The following SUPT3H variants were observed in gnomAD, a reference collection of about 807,000 sequenced individuals.
SUPT3H encodes the protein SPT3 homolog, SAGA and STAGA complex component.
Under a neutral mutation model 44.3 loss-of-function variants are expected in SUPT3H, and 44 were observed. The observed-to-expected ratio is 0.99, with a 90% CI of 0.78 to 1.28. SUPT3H has a LOEUF of 1.28. SUPT3H is among the 50% of genes most tolerant of loss of function. The pLI is 0.00. For missense variants in SUPT3H, 380 were observed against 387.1 expected (o/e 0.98, Z 0.15); for synonymous variants, 124 against 125.6 (o/e 0.99, Z 0.09).
At chr6:45,345,524 C>T (rs1032219628) in intron 2 of SUPT3H, among the ~76,000 whole-genome samples, 1 of 152,160 alleles carries the variant, frequency 6.6e-6, no homozygotes, top group Non-Finnish European at 1.5e-5. Context: ...GCACGATCAG[C>T]TTGCTAGTCC....
At chr6:45,068,471 T>TA (rs202095477) in intron 3 of SUPT3H, among the ~76,000 whole-genome samples, 62 of 145,966 alleles carry the variant, frequency 4.2e-4, no homozygotes, top group South Asian at 1.3e-3. Context: ...AATAAAAAAA[T>TA]AAAAAAAAAA....
chr6:44,826,016 T>C (rs1767718655), downstream of SUPT3H, among the ~76,000 whole-genome samples: 1 of 152,226 alleles, frequency 6.6e-6, no homozygotes, highest in African/African-American at 2.4e-5. Flanking sequence ...GCTTGACTAT[T>C]TACTATCTAT....
At chr6:45,101,178 C>T (rs1260465941) in intron 3 of SUPT3H, among the ~76,000 whole-genome samples, 2 of 152,230 alleles carry the variant, frequency 1.3e-5, no homozygotes, top group African/African-American at 4.8e-5. Flanking sequence ...GTAATCCCAG[C>T]ACTTTGGGAG....
intron 2 of SUPT3H, among the ~76,000 whole-genome samples, chr6:45,143,125 C>T (rs111878394): frequency 0.19 from 28,672 of 152,030 alleles, 4,076 homozygotes; most frequent in African/African-American, 0.4. Context: ...GACTTCAATA[C>T]TCCACTGACA....
chr6:45,172,072 C>T (rs1810892800), intron 2 of SUPT3H, among the ~76,000 whole-genome samples: 1 of 135,680 alleles, frequency 7.4e-6, no homozygotes, highest in African/African-American at 2.7e-5. Context: ...ATTTATTTAT[C>T]TTTTTTTTTT....
At chr6:44,885,866 GA>G (rs1189971372) in intron 10 of SUPT3H, among the ~76,000 whole-genome samples, 1 of 152,026 alleles carries the variant, frequency 6.6e-6, no homozygotes, top group African/African-American at 2.4e-5. Context: ...TGAAAACTTT[GA>G]AAAAAATTTA....
In SUPT3H at chr6:44,828,217, T is replaced by C. The variant is rs1171414601; in HGVS notation, c.*1599A>G. On this transcript the variant is annotated 3_prime_UTR_variant, in exon 11 of 11. Coordinates refer to ENST00000371459, the MANE Select transcript of SUPT3H (RefSeq NM_003599.4). ...TTAAGTTAGGATGTTTACTGCAAGC[T>C]TGTAATTTTCCATGATTATGGATGC... Among the ~76,000 whole-genome samples, 4 of 152,136 alleles carry C rather than the reference T, an allele frequency of 2.6e-5. No individual in the cohort carries two copies. The highest frequency in any genetic ancestry group is 7.2e-5 in the African/African-American group (3 of 41,438).
chr6:45,177,942 C>G (rs570551682), intron 2 of SUPT3H, among the ~76,000 whole-genome samples: 155 of 152,204 alleles, frequency 1.0e-3, no homozygotes, highest in African/African-American at 3.5e-3. Context: ...AAAGGAACAA[C>G]CGGTACCAGC....
At chr6:45,340,235 A>G (rs1004216501) in intron 2 of SUPT3H, among the ~76,000 whole-genome samples, 9 of 152,186 alleles carry the variant, frequency 5.9e-5, no homozygotes, top group Non-Finnish European at 1.0e-4. Context: ...ACCCTGCCAC[A>G]TATCTTTAAG....
intron 11 of SUPT3H, among the ~76,000 whole-genome samples, chr6:44,818,257 C>CA (rs145243600): frequency 1.2e-3 from 181 of 150,312 alleles, no homozygotes; most frequent in Middle Eastern, 3.4e-3. Flanking sequence ...CATCCATATG[C>CA]AAAAAAAACA....
chr6:45,372,273 A>G (rs1796173947), intron 1 of SUPT3H, among the ~76,000 whole-genome samples: 1 of 152,224 alleles, frequency 6.6e-6, no homozygotes, highest in South Asian at 2.1e-4. Context: ...GGTTACATAA[A>G]ATAACATACG....
intron 2 of SUPT3H, among the ~76,000 whole-genome samples, chr6:45,279,813 C>T (rs568044270): frequency 3.3e-5 from 5 of 152,102 alleles, no homozygotes; most frequent in African/African-American, 9.7e-5. Flanking sequence ...CTGTTATATC[C>T]GGTCCAGAAA....
At chr6:44,832,610 T>C (rs1366993403) in intron 10 of SUPT3H, among the ~76,000 whole-genome samples, 2 of 152,184 alleles carry the variant, frequency 1.3e-5, no homozygotes, top group Non-Finnish European at 2.9e-5. Flanking sequence ...TCAGACATTT[T>C]AGCATCTCTT....
At chr6:45,247,294 G>A (rs1432725964) in intron 2 of SUPT3H, among the ~76,000 whole-genome samples, 1 of 152,190 alleles carries the variant, frequency 6.6e-6, no homozygotes, top group Non-Finnish European at 1.5e-5. Flanking sequence ...CCTGACTGCA[G>A]AGCTGGCCTT....
chr6:44,929,109 G>T (rs184159561), intron 10 of SUPT3H, among the ~76,000 whole-genome samples: 8 of 151,632 alleles, frequency 5.3e-5, no homozygotes, highest in Admixed American at 3.3e-4. Context: ...AGCATTGTTT[G>T]TACTCTTCTC....
rs551520039 is a variant in SUPT3H, at chr6:45,357,517, G to A, written c.101+7684C>T. Among the ~76,000 whole-genome samples the A allele has an allele frequency of 9.2e-5, 14 of 152,000 alleles. No individual in the cohort carries two copies. In the South Asian group the frequency reaches 1.5e-3, roughly 16 times the overall value. ...TAATTTTATTTTCTGTAGAGACAGC[G>A]TCTCAAGTATGTTGCCCGGGCTAGT... On this transcript the variant is annotated intron_variant, in intron 2 of 10. Coordinates refer to ENST00000371459, the MANE Select transcript of SUPT3H (RefSeq NM_003599.4).
intron 2 of SUPT3H, among the ~76,000 whole-genome samples, chr6:45,291,445 G>A (rs1371273018): frequency 1.3e-5 from 2 of 152,106 alleles, no homozygotes; most frequent in Non-Finnish European, 2.9e-5. Context: ...ACCAAACCAA[G>A]AAGAAATCCC....
intron 2 of SUPT3H, among the ~76,000 whole-genome samples, chr6:45,184,915 T>C (rs950723430): frequency 1.3e-5 from 2 of 152,070 alleles, no homozygotes; most frequent in African/African-American, 4.8e-5. Flanking sequence ...AAAACAGCTT[T>C]ACCACCCACT....
chr6:44,998,002 A>G (rs958684389), intron 6 of SUPT3H, among the ~76,000 whole-genome samples: 1 of 151,826 alleles, frequency 6.6e-6, no homozygotes, highest in Non-Finnish European at 1.5e-5. Flanking sequence ...GTTGTGATAC[A>G]TTTTTCATTA....
Sources: allele counts gnomAD v4.1 joint callset (sites outside exome capture counted in the v4.1 genomes callset), GRCh38; gene constraint gnomAD v4.1.1; transcripts MANE v1.5; gene names NCBI Gene and HGNC (gene_info 2026-07-23, HGNC 2026-07-21).